The following PTPRD variants were observed in gnomAD, a reference collection of about 807,000 sequenced individuals.
The protein encoded by PTPRD is receptor-type tyrosine-protein phosphatase delta.
In PTPRD, 34 loss-of-function variants were observed where a neutral mutation model predicts 214.5. The observed-to-expected ratio is 0.16, with a 90% CI of 0.12 to 0.21. The LOEUF is 0.21. Ranked by LOEUF, PTPRD falls within the 10% of genes least tolerant of loss-of-function variation. The pLI, the probability that PTPRD is intolerant of heterozygous loss-of-function variation, is 1.00. For synonymous variants in PTPRD, 1,128 were observed against 845.7 expected, an observed-to-expected ratio of 1.33 and a Z score of -5.79; for missense variants, 2,545 against 2,398.7, an observed-to-expected ratio of 1.06 and a Z score of -1.27.
At chr9:10,505,323 A>G (rs1012852002) in intron 2 of PTPRD, among the ~76,000 whole-genome samples, 1 of 152,170 alleles carries the variant, frequency 6.6e-6, no homozygotes, top group Non-Finnish European at 1.5e-5. Context: ...CTCATTATAT[A>G]TGATATTTTC....
chr9:9,656,081 G>C (rs1385465278), intron 7 of PTPRD, among the ~76,000 whole-genome samples: 1 of 152,130 alleles, frequency 6.6e-6, no homozygotes, highest in African/African-American at 2.4e-5. Flanking sequence ...GTACCACTAC[G>C]ATCTATTCCC....
At chr9:9,656,030 A>G (rs2096503773) in intron 7 of PTPRD, among the ~76,000 whole-genome samples, 1 of 152,224 alleles carries the variant, frequency 6.6e-6, no homozygotes, top group African/African-American at 2.4e-5. Flanking sequence ...AAGTTGCTCA[A>G]CATCATATGA....
rs538207017 is a variant in PTPRD, at chr9:8,897,596, G to A, written c.-104+121101C>T. On this transcript the variant is annotated intron_variant, in intron 11 of 45. Coordinates refer to ENST00000381196, the MANE Select transcript of PTPRD (RefSeq NM_002839.4). ...GCACCAGTAAAACAACACAGACAAG[G>A]ATTTCTTAGTGGGACATACCTCCAG... Among the ~76,000 whole-genome samples the A allele has an allele frequency of 1.6e-4, 24 of 152,284 alleles. No individual in the cohort carries two copies. The South Asian group carries it at 5.0e-3, about 32-fold the overall frequency.
At chr9:9,662,025 T>G (rs1418550587) in intron 7 of PTPRD, among the ~76,000 whole-genome samples, 1 of 151,780 alleles carries the variant, frequency 6.6e-6, no homozygotes, top group East Asian at 1.9e-4. Flanking sequence ...ATATATATGA[T>G]TCCTGATACA....
At chr9:8,330,680 A>AACTTCATTAT (rs1839495630) in intron 44 of PTPRD, among the ~76,000 whole-genome samples, 1 of 152,160 alleles carries the variant, frequency 6.6e-6, no homozygotes, top group Non-Finnish European at 1.5e-5. Context: ...AGTCCAGAGA[A>AACTTCATTAT]ACTTCATTAT....
intron 10 of PTPRD, among the ~76,000 whole-genome samples, chr9:9,087,713 T>C (rs2154428672): frequency 6.6e-6 from 1 of 152,128 alleles, no homozygotes; most frequent in South Asian, 2.1e-4. Context: ...CTCAGGGAGC[T>C]TGTAGTAATT....
At chr9:9,642,963 A>C (rs1474109489) in intron 7 of PTPRD, among the ~76,000 whole-genome samples, 3 of 152,212 alleles carry the variant, frequency 2.0e-5, no homozygotes, top group African/African-American at 7.2e-5. Context: ...GAATACCTTC[A>C]ACTGTCTTTA....
chr9:9,518,130 A>G (rs2096880792), intron 8 of PTPRD, among the ~76,000 whole-genome samples: 1 of 152,070 alleles, frequency 6.6e-6, no homozygotes, highest in South Asian at 2.1e-4. Flanking sequence ...AGTTCTCCCT[A>G]AAACACTTAA....
chr9:9,600,721 A>G (rs1252355204), intron 7 of PTPRD, among the ~76,000 whole-genome samples: 10 of 152,114 alleles, frequency 6.6e-5, no homozygotes, highest in Non-Finnish European at 1.5e-5. Flanking sequence ...GTAGTATTGA[A>G]TAACAATTAT....
intron 9 of PTPRD, among the ~76,000 whole-genome samples, chr9:9,239,182 A>T (rs1235407534): frequency 1.3e-5 from 2 of 150,322 alleles, no homozygotes; most frequent in African/African-American, 2.4e-5. Context: ...TACAAACTTC[A>T]GGGAGATGAC....
chr9:9,610,495 A>T (rs888303884), intron 7 of PTPRD, among the ~76,000 whole-genome samples: 1 of 152,222 alleles, frequency 6.6e-6, no homozygotes, highest in Non-Finnish European at 1.5e-5. Context: ...TTTACACATT[A>T]ATTGCAATTA....
Position 9,131,620 on chromosome 9 carries a change from G to A in PTPRD, c.-143+51684C>T, listed in dbSNP as rs138945754. Among the ~76,000 whole-genome samples the A allele has an allele frequency of 2.3e-3, 344 of 152,170 alleles. 3 individuals are homozygous for A. Among genetic ancestry groups the A allele is most frequent in the African/African-American group, 7.9e-3 (326 of 41,526 alleles). ...GAAGTACACATAGTAATAGTTACTTGGACTTTGCTTAAGTATGGAAAAGCA... is the reference window on the plus strand; with the variant it reads ...GAAGTACACATAGTAATAGTTACTTAGACTTTGCTTAAGTATGGAAAAGCA... On this transcript the variant is annotated intron_variant, in intron 10 of 45. Transcript: ENST00000381196.
intron 12 of PTPRD, among the ~76,000 whole-genome samples, chr9:8,703,359 G>C (rs902765650): frequency 6.6e-6 from 1 of 152,170 alleles, no homozygotes; most frequent in African/African-American, 2.4e-5. Context: ...CCCAGATTCA[G>C]AATTCTCTGT....
At chr9:10,587,465 T>A (rs2074227409) in intron 2 of PTPRD, among the ~76,000 whole-genome samples, 1 of 151,918 alleles carries the variant, frequency 6.6e-6, no homozygotes, top group Admixed American at 6.6e-5. Flanking sequence ...AAATTAATAA[T>A]AAAAATAATG....
Position 8,775,018 on chromosome 9 carries a change from G to A in PTPRD, c.-103-41072C>T, listed in dbSNP as rs187489315. On this transcript the variant is annotated intron_variant, in intron 11 of 45. Coordinates refer to ENST00000381196, the MANE Select transcript of PTPRD (RefSeq NM_002839.4). ...CAACAGAAAGGAACAATTTTTGATCGGGCGCCATGGCCAAATAATAACCCA... is the reference window on the plus strand; with the variant it reads ...CAACAGAAAGGAACAATTTTTGATCAGGCGCCATGGCCAAATAATAACCCA... 6.2e-4 allele frequency among the ~76,000 whole-genome samples: 95 copies of A among 152,132 alleles called. 1 individual carries two copies. The highest frequency in any genetic ancestry group is 6.0e-3 in the Admixed American group (91 of 15,270).
At chr9:10,154,045 T>C (rs915611360) in intron 3 of PTPRD, among the ~76,000 whole-genome samples, 2 of 151,910 alleles carry the variant, frequency 1.3e-5, no homozygotes, top group Non-Finnish European at 2.9e-5. Flanking sequence ...TTTGAGAAAT[T>C]ACCACACTGC....
intron 33 of PTPRD, among the ~76,000 whole-genome samples, chr9:8,454,944 T>TA (rs2096125834): frequency 6.6e-6 from 1 of 152,072 alleles, no homozygotes; most frequent in Non-Finnish European, 1.5e-5. Flanking sequence ...ATTTGATTTT[T>TA]AAAAAACATG....
intron 3 of PTPRD, among the ~76,000 whole-genome samples, chr9:10,109,664 C>T (rs976654823): frequency 1.3e-5 from 2 of 152,108 alleles, no homozygotes; most frequent in South Asian, 2.1e-4. Flanking sequence ...TGAATGTGTT[C>T]ACTGCTGTTA....
intron 11 of PTPRD, among the ~76,000 whole-genome samples, chr9:8,846,631 A>AAG (rs1233410383): frequency 6.6e-6 from 1 of 152,136 alleles, no homozygotes; most frequent in Admixed American, 6.6e-5. Flanking sequence ...TTCCAAATGG[A>AAG]AGAGAGAGAG....
Sources: allele counts gnomAD v4.1 joint callset (sites outside exome capture counted in the v4.1 genomes callset), GRCh38; gene constraint gnomAD v4.1.1; transcripts MANE v1.5; gene names NCBI Gene and HGNC (gene_info 2026-07-23, HGNC 2026-07-21).